Variants in ATCAY observed in about 807,000 individuals in gnomAD.
ATCAY encodes caytaxin.
Under a neutral mutation model 47.7 loss-of-function variants are expected in ATCAY, and 22 were observed. The observed-to-expected ratio is 0.46, with a 90% CI of 0.33 to 0.66. The LOEUF is 0.66. Ranked by LOEUF, ATCAY falls within the 30% of genes least tolerant of loss-of-function variation. The pLI is 0.02. For missense variants in ATCAY, 452 were observed against 515.0 expected (o/e 0.88, Z 1.18); for synonymous variants, 216 against 207.6 (o/e 1.04, Z -0.35).
chr19:3,905,744 C>T, intron 4 of ATCAY, 89 bp downstream of exon 4: 1 of 1,235,968 alleles, frequency 8.1e-7, no homozygotes, highest in South Asian at 1.4e-5. Flanking sequence ...CTCAGAGAGT[C>T]ACAAGTGGGG....
At chr19:3,895,168 A>T (rs1368796896) in intron 2 of ATCAY, 1 of 456,098 alleles carries the variant, frequency 2.2e-6, no homozygotes, top group Non-Finnish European at 4.4e-6. Context: ...ACCAAGTCCA[A>T]AATCCACAGG....
chr19:3,922,522 G>T (rs1423247686), intron 12 of ATCAY, among the ~76,000 whole-genome samples: 1 of 152,176 alleles, frequency 6.6e-6, no homozygotes, highest in East Asian at 1.9e-4. Context: ...CCCACGACAA[G>T]TGGGGTTATG....
intron 8 of ATCAY, among the ~76,000 whole-genome samples, chr19:3,912,196 G>C (rs1477209427): frequency 6.6e-6 from 1 of 152,068 alleles, no homozygotes; most frequent in Non-Finnish European, 1.5e-5. Flanking sequence ...CTCTTCACCG[G>C]TCGCCATGGC....
Position 3,902,517 on chromosome 19 carries a change from G to A in ATCAY, c.108G>A (p.Leu36=). 6.3e-7 allele frequency: 1 copy of A among 1,580,320 alleles called. No individual in the cohort carries two copies. The highest frequency in any genetic ancestry group is 8.6e-7 in the Non-Finnish European group (1 of 1,163,088). ...RPLPEETGVE[L]LGSPVEDTSS... ...TCCCAGAAGAGACGGGGGTGGAACT[G>A]CTTGGCAGCCCGGTGGAAGACACAT... The change falls in exon 3 of 13, where the codon CTG becomes CTA. Residue 36 remains leucine (L), a synonymous_variant. Transcript: ENST00000450849.
chr19:3,883,690 C>A lies in ATCAY; in HGVS notation c.-41-2037C>A, dbSNP rs75596163. On this transcript the variant is annotated intron_variant, in intron 1 of 12. Transcript: ENST00000450849. Reference sequence around the variant, plus strand: ...GACAATGCCAAGTGTCCCCTTGCAGCAGGGGAGGCAGAATTGTCCACAGGT... The same window carrying A: ...GACAATGCCAAGTGTCCCCTTGCAGAAGGGGAGGCAGAATTGTCCACAGGT... 8.1e-3 allele frequency among the ~76,000 whole-genome samples: 1,239 copies of A among 152,252 alleles called. 19 individuals carry two copies. Among genetic ancestry groups the A allele is most frequent in the East Asian group, 0.037 (193 of 5,174 alleles).
At chr19:3,883,244 C>T (rs775805492) in intron 1 of ATCAY, among the ~76,000 whole-genome samples, 5 of 152,124 alleles carry the variant, frequency 3.3e-5, no homozygotes, top group Admixed American at 6.6e-5. Flanking sequence ...CGTGGTGGCA[C>T]GCGCCTGTAG....
rs758404542 is a variant in ATCAY, at chr19:3,907,930, C to A, written c.544+11C>A. Reference sequence around the variant, plus strand: ...TGGTCACCCACGGAGGTGAGACCCGCCCCCCGGTGCCCCCTTGGGGCTCCA... The same window carrying A: ...TGGTCACCCACGGAGGTGAGACCCGACCCCCGGTGCCCCCTTGGGGCTCCA... On this transcript the variant is annotated intron_variant, in intron 5 of 12. Transcript: ENST00000450849. This position sits in a 1 kb window ranked among gnomAD's most constrained non-coding sequence, Gnocchi z 5.1. 2 of 1,602,568 alleles carry A rather than the reference C, an allele frequency of 1.2e-6. No individual in the cohort carries two copies. Among genetic ancestry groups the A allele is most frequent in the Non-Finnish European group, 1.7e-6 (2 of 1,173,630 alleles).
chr19:3,889,040 C>T (rs1189828614), intron 2 of ATCAY, among the ~76,000 whole-genome samples: 1 of 152,086 alleles, frequency 6.6e-6, no homozygotes, highest in Admixed American at 6.6e-5. Context: ...GAGGCCAAGG[C>T]GGGAGGATCG....
At chr19:3,921,027 G>A (rs1364928937) in intron 12 of ATCAY, among the ~76,000 whole-genome samples, 1 of 152,196 alleles carries the variant, frequency 6.6e-6, no homozygotes, top group East Asian at 1.9e-4. Context: ...GGCCGTCCTT[G>A]CACAACTCCA....
chr19:3,886,181 G>C (rs2038651890), intron 2 of ATCAY, among the ~76,000 whole-genome samples: 1 of 152,178 alleles, frequency 6.6e-6, no homozygotes, highest in Non-Finnish European at 1.5e-5. Flanking sequence ...GGGCGCGGCG[G>C]TTCACGCCTG....
chr19:3,917,612 GAAGAA>G (rs2038977809), intron 9 of ATCAY, 125 bp from the exon 10 acceptor site: 2 of 483,210 alleles, frequency 4.1e-6, no homozygotes, highest in East Asian at 4.1e-5. Context: ...AAAAAAAAAG[GAAGAA>G]GAAGAAGAAG....
rs1305792744 is a variant in ATCAY, at chr19:3,925,574, A to T, written c.*982A>T. On this transcript the variant is annotated 3_prime_UTR_variant, in exon 13 of 13. Coordinates refer to ENST00000450849, the MANE Select transcript of ATCAY (RefSeq NM_033064.5). The surrounding 1 kb of genome is among the most constrained non-coding windows in gnomAD (Gnocchi z 4.4). ...CGCTGGCCGCAGCCACCTGCATTCA[A>T]AGCTTGGACCAGCGGGTTCTTGTTC... The T allele has an allele frequency of 6.6e-6, 1 of 152,262 alleles. No homozygotes were observed. 9.4% of individuals were successfully genotyped at this position (152,262 alleles called of 1,614,324 possible).
intron 12 of ATCAY, among the ~76,000 whole-genome samples, chr19:3,922,966 C>T (rs971021927): frequency 1.3e-5 from 2 of 152,038 alleles, no homozygotes; most frequent in African/African-American, 2.4e-5. Context: ...GGGATGGTCT[C>T]GATCTCCTGA....
intron 9 of ATCAY, among the ~76,000 whole-genome samples, chr19:3,916,910 G>A (rs1355371790): frequency 6.7e-6 from 1 of 149,050 alleles, no homozygotes; most frequent in Non-Finnish European, 1.5e-5. Context: ...TACGTTCAAG[G>A]GATTCTCGTG....
intron 7 of ATCAY, among the ~76,000 whole-genome samples, 200 bp downstream of exon 7, chr19:3,909,817 G>C (rs994201029): frequency 2.2e-4 from 33 of 152,236 alleles, no homozygotes; most frequent in African/African-American, 7.9e-4. Flanking sequence ...GGGCAAGGGG[G>C]CTCACACCTC....
At chr19:3,886,197 C>A (rs2038652336) in intron 2 of ATCAY, among the ~76,000 whole-genome samples, 1 of 152,220 alleles carries the variant, frequency 6.6e-6, no homozygotes, top group African/African-American at 2.4e-5. Flanking sequence ...GCCTGTAATC[C>A]CAGCACTTTG....
intron 3 of ATCAY, among the ~76,000 whole-genome samples, chr19:3,903,324 C>A (rs567318848): frequency 3.3e-5 from 5 of 152,018 alleles, no homozygotes; most frequent in Admixed American, 6.6e-5. Context: ...GGCTCTGAAG[C>A]CCCAGATCCC....
intron 10 of ATCAY, 46 bp from the exon 11 acceptor site, chr19:3,918,760 C>A: frequency 6.2e-7 from 1 of 1,607,876 alleles, no homozygotes. Context: ...ACCCCTTGGC[C>A]TGGCTGGGCT....
At chr19:3,899,525 G>A (rs938752518) in intron 2 of ATCAY, among the ~76,000 whole-genome samples, 1 of 151,734 alleles carries the variant, frequency 6.6e-6, no homozygotes, top group Non-Finnish European at 1.5e-5. Flanking sequence ...ATTTTGGCCA[G>A]GCTAGTCTTG....
Sources: allele counts gnomAD v4.1 joint callset (sites outside exome capture counted in the v4.1 genomes callset), GRCh38; gene constraint gnomAD v4.1.1; non-coding constraint Gnocchi (gnomAD v3.1); transcripts MANE v1.5; gene names NCBI Gene and HGNC (gene_info 2026-07-23, HGNC 2026-07-21).